The following DENND1A variants were observed in gnomAD, a reference collection of about 807,000 sequenced individuals.
DENND1A encodes DENN domain-containing protein 1A.
DENND1A carries 51 observed loss-of-function variants against 113.7 expected under a neutral mutation model. That is an observed-to-expected ratio of 0.45 (90% CI 0.36 to 0.57). DENND1A has a LOEUF of 0.57. Among genes scored for constraint, DENND1A ranks in the 20% least tolerant of loss-of-function variants. DENND1A has a pLI of 0.00. For missense variants in DENND1A, 1,258 were observed against 1,395.9 expected (o/e 0.90, Z 1.57); for synonymous variants, 565 against 570.8 (o/e 0.99, Z 0.14).
rs367751848 is a variant in DENND1A, at chr9:123,395,468, C to CTCTGTGTGTGTGTGTG, written c.1632-7611_1632-7610insCACACACACACACAGA. On this transcript the variant is annotated intron_variant, in intron 21 of 23. Coordinates refer to ENST00000394215, the MANE Select transcript of DENND1A (RefSeq NM_001352964.2). ...AGGGCCCAGAATCTACTCTCTCTCTCTGTGTGTGTGTGTGTGTGTGTGTGT... is the reference window on the plus strand; with the variant it reads ...AGGGCCCAGAATCTACTCTCTCTCTCTCTGTGTGTGTGTGTGTGTGTGTGTGTGTGTGTGTGTGTGT... Among the ~76,000 whole-genome samples the CTCTGTGTGTGTGTGTG allele has an allele frequency of 7.7e-3, 1,108 of 142,968 alleles. 9 individuals carry two copies. The highest frequency in any genetic ancestry group is 0.022 in the African/African-American group (811 of 36,812). 93.8% of individuals were successfully genotyped at this position (142,968 alleles called of 152,430 possible).
At chr9:123,415,846 C>A (rs188361193) in intron 19 of DENND1A, among the ~76,000 whole-genome samples, 3 of 152,206 alleles carry the variant, frequency 2.0e-5, no homozygotes, top group African/African-American at 7.2e-5. Flanking sequence ...GTGGTGGGGC[C>A]ATCGGCCATG....
At chr9:123,586,928 A>G (rs1014624078) in intron 11 of DENND1A, among the ~76,000 whole-genome samples, 1 of 152,136 alleles carries the variant, frequency 6.6e-6, no homozygotes, top group Admixed American at 6.5e-5. Flanking sequence ...AGGAAGCAGC[A>G]GTCAACTTTT....
chr9:123,826,561 T>C (rs1231077168), intron 2 of DENND1A, among the ~76,000 whole-genome samples: 2 of 152,188 alleles, frequency 1.3e-5, no homozygotes, highest in South Asian at 4.1e-4. Context: ...TATCAAACCA[T>C]TCCTCACACC....
At chr9:123,878,215 A>AT (rs1847802776) in intron 2 of DENND1A, among the ~76,000 whole-genome samples, 1 of 151,750 alleles carries the variant, frequency 6.6e-6, no homozygotes, top group South Asian at 2.1e-4. Flanking sequence ...AAAAAAAAAA[A>AT]AATAATATTA....
intron 5 of DENND1A, chr9:123,751,208 G>C: frequency 6.6e-6 from 1 of 152,184 alleles, no homozygotes; most frequent in East Asian, 1.9e-4. Flanking sequence ...CGTGGAAATG[G>C]AGCTTTTCTG....
At chr9:123,909,412 ATAAAT>A (rs143113503) in intron 1 of DENND1A, among the ~76,000 whole-genome samples, 1,750 of 150,192 alleles carry the variant, frequency 0.012, 34 homozygotes, top group African/African-American at 0.041. Context: ...AAAAATAAAA[ATAAAT>A]AAAAAAACTG....
At chr9:123,451,550 T>C (rs2047718101) in intron 17 of DENND1A, among the ~76,000 whole-genome samples, 1 of 152,146 alleles carries the variant, frequency 6.6e-6, no homozygotes, top group Non-Finnish European at 1.5e-5. Flanking sequence ...GGGACAAAAA[T>C]TAAGTGGTGT....
At chr9:123,809,021 T>C (rs1836090431) in intron 2 of DENND1A, among the ~76,000 whole-genome samples, 1 of 152,194 alleles carries the variant, frequency 6.6e-6, no homozygotes, top group South Asian at 2.1e-4. Flanking sequence ...ATGATTTAGG[T>C]TCTGCCAGTC....
At chr9:123,392,228 T>C (rs895667769) in intron 21 of DENND1A, among the ~76,000 whole-genome samples, 1 of 152,090 alleles carries the variant, frequency 6.6e-6, no homozygotes, top group Non-Finnish European at 1.5e-5. Flanking sequence ...AAGATCTGCA[T>C]CTCGGGAGTT....
intron 5 of DENND1A, among the ~76,000 whole-genome samples, chr9:123,685,330 C>T (rs1309996780): frequency 6.6e-6 from 1 of 152,210 alleles, no homozygotes; most frequent in East Asian, 1.9e-4. Context: ...TAATCTCAAA[C>T]TGTAAATTGA....
chr9:123,687,676 C>T (rs2064897754), intron 5 of DENND1A, among the ~76,000 whole-genome samples: 1 of 152,220 alleles, frequency 6.6e-6, no homozygotes, highest in Admixed American at 6.5e-5. Flanking sequence ...GCAACTCTTT[C>T]ACTGAGAAGT....
At chr9:123,641,735 A>T (rs1444820596) in intron 9 of DENND1A, among the ~76,000 whole-genome samples, 4 of 152,244 alleles carry the variant, frequency 2.6e-5, no homozygotes, top group Non-Finnish European at 5.9e-5. Flanking sequence ...AACAGCCACC[A>T]AAGAATAAAT....
chr9:123,858,016 G>C (rs1450304629), intron 2 of DENND1A, among the ~76,000 whole-genome samples: 1 of 147,120 alleles, frequency 6.8e-6, no homozygotes, highest in African/African-American at 2.5e-5. Context: ...CAGAGATCTT[G>C]CCACTGCACT....
At chr9:123,709,555 C>T (rs1017857453) in intron 5 of DENND1A, among the ~76,000 whole-genome samples, 1 of 152,156 alleles carries the variant, frequency 6.6e-6, no homozygotes, top group Non-Finnish European at 1.5e-5. Flanking sequence ...TTCCCCATGT[C>T]CCTTTAAGTT....
chr9:123,649,408 CTT>C (rs1259305715), intron 9 of DENND1A, among the ~76,000 whole-genome samples: 2 of 152,038 alleles, frequency 1.3e-5, no homozygotes, highest in Non-Finnish European at 2.9e-5. Flanking sequence ...CTTGTGCAGT[CTT>C]TGTGTTGAAT....
At chr9:123,828,695 A>T (rs186605405) in intron 2 of DENND1A, among the ~76,000 whole-genome samples, 18 of 152,184 alleles carry the variant, frequency 1.2e-4, no homozygotes, top group Admixed American at 4.6e-4. Flanking sequence ...AGACTTACAG[A>T]TGACTTTCCA....
At chr9:123,687,624 G>A (rs940630054) in intron 5 of DENND1A, among the ~76,000 whole-genome samples, 1 of 152,236 alleles carries the variant, frequency 6.6e-6, no homozygotes, top group African/African-American at 2.4e-5. Flanking sequence ...AACAAAGACA[G>A]ACGGGAAACT....
intron 4 of DENND1A, among the ~76,000 whole-genome samples, chr9:123,760,821 G>A (rs1255759220): frequency 6.6e-6 from 1 of 152,096 alleles, no homozygotes; most frequent in Non-Finnish European, 1.5e-5. Flanking sequence ...AATGGGGGAG[G>A]GGAAATCCTG....
At chr9:123,684,957 A>C (rs1157262313) in intron 5 of DENND1A, among the ~76,000 whole-genome samples, 1 of 152,170 alleles carries the variant, frequency 6.6e-6, no homozygotes, top group Non-Finnish European at 1.5e-5. Flanking sequence ...AGATTCTAGA[A>C]AGTCTTCCAA....
Sources: allele counts gnomAD v4.1 joint callset (sites outside exome capture counted in the v4.1 genomes callset), GRCh38; gene constraint gnomAD v4.1.1; transcripts MANE v1.5; gene names NCBI Gene and HGNC (gene_info 2026-07-23, HGNC 2026-07-21).